The following DCDC2 variants were observed in gnomAD, a reference collection of about 807,000 sequenced individuals.
DCDC2 encodes doublecortin domain containing 2.
Under a neutral mutation model 50.2 loss-of-function variants are expected in DCDC2, and 40 were observed. The ratio of observed to expected loss-of-function variants is 0.80; its 90% confidence interval spans 0.62 to 1.04. The LOEUF (loss-of-function observed/expected upper bound fraction) is 1.04, where lower values mean the gene tolerates loss of function less well. Ranked by LOEUF, DCDC2 falls within the 50% of genes least tolerant of loss-of-function variation. The probability of loss-of-function intolerance (pLI) is 0.00; values close to 1 mark genes in which losing one functional copy is unlikely to be tolerated. For synonymous variants in DCDC2, 234 were observed against 210.6 expected (o/e 1.11, Z -0.96); for missense variants, 570 against 581.9 (o/e 0.98, Z 0.21).
intron 7 of DCDC2, among the ~76,000 whole-genome samples, chr6:24,262,707 C>T (rs1441397084): frequency 1.3e-5 from 2 of 152,206 alleles, no homozygotes; most frequent in Admixed American, 1.3e-4. Context: ...AGCCCTGATG[C>T]ACTCATCCAG....
At chr6:24,374,059 G>A in the DCDC2 span, among the ~76,000 whole-genome samples, 12 of 151,856 alleles carry the variant, frequency 7.9e-5, no homozygotes, top group South Asian at 2.1e-4. Flanking sequence ...CTACTCGGGA[G>A]GCTGAGGCGG....
chr6:24,356,185 T>C (rs1014729788), intron 1 of DCDC2, among the ~76,000 whole-genome samples: 4 of 152,108 alleles, frequency 2.6e-5, no homozygotes, highest in African/African-American at 9.7e-5. Flanking sequence ...TAAGCATGGA[T>C]ATAAAAGGTA....
chr6:24,314,746 C>T (rs1036690960), intron 2 of DCDC2, among the ~76,000 whole-genome samples: 4 of 151,892 alleles, frequency 2.6e-5, no homozygotes, highest in East Asian at 3.9e-4. Flanking sequence ...ACAAGGCAAA[C>T]GTGATAGTAA....
chr6:24,338,417 G>A (rs1049270398), intron 2 of DCDC2, among the ~76,000 whole-genome samples: 3 of 151,554 alleles, frequency 2.0e-5, no homozygotes, highest in Admixed American at 6.6e-5. Flanking sequence ...AGTAGCCCAG[G>A]CCAGAAACTC....
chr6:24,315,394 G>A (rs1328539206), intron 2 of DCDC2, among the ~76,000 whole-genome samples: 1 of 152,030 alleles, frequency 6.6e-6, no homozygotes, highest in African/African-American at 2.4e-5. Context: ...GAAGAGACAG[G>A]CCCTAAGAGG....
chr6:24,296,643 G>C (rs1680194801), intron 4 of DCDC2, among the ~76,000 whole-genome samples: 1 of 152,104 alleles, frequency 6.6e-6, no homozygotes, highest in Admixed American at 6.5e-5. Flanking sequence ...CCATTAAAAA[G>C]TGGGCAAAGG....
Position 24,204,086 on chromosome 6 carries a change from T to G in DCDC2, c.1023+916A>C, listed in dbSNP as rs1761650907. Among the ~76,000 whole-genome samples the G allele has an allele frequency of 2.6e-5, 4 of 152,108 alleles. No homozygotes were observed. In the South Asian group the frequency reaches 8.3e-4, roughly 32 times the overall value. ...TTGTGGAAGACAATGTGGCGATACC[T>G]CAAGGATCTAGAGCCAGAAATACCC... is the stretch of plus-strand genomic sequence containing the variant. On this transcript the variant is annotated intron_variant, in intron 8 of 9. Coordinates refer to ENST00000378454, the MANE Select transcript of DCDC2 (RefSeq NM_016356.5).
intron 7 of DCDC2, among the ~76,000 whole-genome samples, chr6:24,265,151 A>T (rs1763092496): frequency 6.6e-6 from 1 of 152,130 alleles, no homozygotes; most frequent in Non-Finnish European, 1.5e-5. Flanking sequence ...AAAAAAGAAA[A>T]AAAGAAAACT....
intron 2 of DCDC2, among the ~76,000 whole-genome samples, chr6:24,325,573 C>T (rs1442499963): frequency 6.7e-6 from 1 of 149,570 alleles, no homozygotes; most frequent in Non-Finnish European, 1.5e-5. Context: ...ACATTAGCAT[C>T]ATCATGTTCT....
intron 7 of DCDC2, among the ~76,000 whole-genome samples, chr6:24,229,450 G>A (rs1272061151): frequency 1.3e-5 from 2 of 152,028 alleles, no homozygotes; most frequent in African/African-American, 2.4e-5. Context: ...CTATTCCAAG[G>A]TCAGCTGATT....
intron 2 of DCDC2, among the ~76,000 whole-genome samples, chr6:24,352,580 T>C (rs190431689): frequency 3.9e-5 from 6 of 152,340 alleles, no homozygotes; most frequent in Non-Finnish European, 4.4e-5. Flanking sequence ...ATTATTTGAA[T>C]AATGAATTTA....
chr6:24,210,087 T>C (rs369689198), intron 7 of DCDC2, among the ~76,000 whole-genome samples: 49 of 149,804 alleles, frequency 3.3e-4, no homozygotes, highest in South Asian at 2.4e-3. Flanking sequence ...TGCCTGCCTG[T>C]CTGTCTTCAC....
upstream of DCDC2, among the ~76,000 whole-genome samples, chr6:24,359,853 G>T (rs779944066): frequency 6.6e-6 from 1 of 152,168 alleles, no homozygotes; most frequent in African/African-American, 2.4e-5. Flanking sequence ...GATCAGCGCC[G>T]CCTGGCGGCG....
intron 6 of DCDC2, among the ~76,000 whole-genome samples, chr6:24,281,713 A>T (rs920055150): frequency 6.6e-6 from 1 of 152,130 alleles, no homozygotes; most frequent in African/African-American, 2.4e-5. Flanking sequence ...TCCACATGTG[A>T]CTTGTAACTC....
chr6:24,174,838 G>T lies in DCDC2; in HGVS notation c.1327-4C>A, dbSNP rs372370231. ...GTCTTTGAGGGTCTACATCAGCCTA[G>T]AAGAAAATAGATCAAAACAAAGGTA... is the stretch of plus-strand genomic sequence containing the variant. On this transcript the variant is annotated splice_polypyrimidine_tract_variant and splice_region_variant and intron_variant, in intron 9 of 9. Transcript: ENST00000378454. The T allele has an allele frequency of 1.3e-6, 2 of 1,596,538 alleles. No individual in the cohort carries two copies. The highest frequency in any genetic ancestry group is 1.3e-5 in the African/African-American group (1 of 74,222).
At chr6:24,254,279 T>C (rs1401314114) in intron 7 of DCDC2, among the ~76,000 whole-genome samples, 1 of 152,178 alleles carries the variant, frequency 6.6e-6, no homozygotes, top group Non-Finnish European at 1.5e-5. Context: ...CAGTCTAAAA[T>C]AACAATAAAA....
At chr6:24,178,757 T>C in intron 8 of DCDC2, 125 bp from the exon 9 acceptor site, 1 of 991,436 alleles carries the variant, frequency 1.0e-6, no homozygotes, top group Non-Finnish European at 1.5e-6. Context: ...GCATAGTACT[T>C]TACAGTATAG....
At chr6:24,285,937 A>G (rs1466099319) in intron 6 of DCDC2, among the ~76,000 whole-genome samples, 1 of 152,202 alleles carries the variant, frequency 6.6e-6, no homozygotes, top group Non-Finnish European at 1.5e-5. Flanking sequence ...ATAAGCTAAT[A>G]TCTATACAGT....
intron 7 of DCDC2, among the ~76,000 whole-genome samples, chr6:24,245,064 T>C (rs1350323202): frequency 6.6e-6 from 1 of 152,072 alleles, no homozygotes; most frequent in East Asian, 1.9e-4. Context: ...GTGTGGTGGT[T>C]GCTCCTGTAA....
Sources: allele counts gnomAD v4.1 joint callset (sites outside exome capture counted in the v4.1 genomes callset), GRCh38; gene constraint gnomAD v4.1.1; transcripts MANE v1.5; gene names NCBI Gene and HGNC (gene_info 2026-07-23, HGNC 2026-07-21).